VAT1L: variants seen among roughly 807,000 people sequenced by gnomAD.
The protein encoded by VAT1L is putative NADPH-dependent quinone oxidoreductase VAT1L.
A neutral mutation model predicts 44.1 loss-of-function variants in VAT1L; 34 were observed. The ratio of observed to expected loss-of-function variants is 0.77; its 90% CI spans 0.59 to 1.03. The LOEUF is 1.03. VAT1L is among the 50% of genes least tolerant of loss of function. The pLI is 0.00. For synonymous variants in VAT1L, 253 were observed against 202.2 expected, an observed-to-expected ratio of 1.25 and a Z score of -2.13; for missense variants, 615 against 538.8, an observed-to-expected ratio of 1.14 and a Z score of -1.40.
intron 7 of VAT1L, among the ~76,000 whole-genome samples, chr16:77,948,552 T>C (rs2017999813): frequency 1.3e-5 from 2 of 152,070 alleles, no homozygotes; most frequent in South Asian, 4.1e-4. Context: ...TTCAAACATA[T>C]AAAAGCAGCA....
chr16:77,961,290 T>G (rs1387658822), intron 7 of VAT1L, among the ~76,000 whole-genome samples: 1 of 152,102 alleles, frequency 6.6e-6, no homozygotes, highest in African/African-American at 2.4e-5. Flanking sequence ...ATCTAGCTCC[T>G]GCCCACTCCG....
rs538577571 is a variant in VAT1L at position 77,901,153 on chromosome 16, C to CTTTT, written c.1077+16378_1077+16381dup. On this transcript the variant is annotated intron_variant, in intron 7 of 8. Transcript: ENST00000302536. ...GGTAGGTGTGTGACCAGTAGTTTAC[C>CTTTT]TTTTTTTTTTTTTTTTTTTTTTTTT... Among the ~76,000 whole-genome samples, 408 of 90,040 alleles carry CTTTT rather than the reference C, an allele frequency of 4.5e-3. 34 individuals carry two copies. The highest frequency in any genetic ancestry group is 0.019 in the African/African-American group (392 of 20,808). 59.1% of individuals were successfully genotyped at this position (90,040 alleles called of 152,430 possible). A position where few individuals can be genotyped will look rare whatever the true frequency, so the allele number is the denominator to read the frequency against.
intron 3 of VAT1L, among the ~76,000 whole-genome samples, chr16:77,825,682 C>T (rs2016511637): frequency 6.6e-6 from 1 of 151,946 alleles, no homozygotes; most frequent in East Asian, 1.9e-4. Context: ...ACCAAAATGG[C>T]CTGTGAGGAC....
intron 5 of VAT1L, among the ~76,000 whole-genome samples, chr16:77,876,937 A>T (rs12924217): frequency 0.044 from 6,686 of 152,282 alleles, 184 homozygotes; most frequent in Middle Eastern, 0.11. Flanking sequence ...ACTCCTGAGC[A>T]TCCCACGCAA....
At chr16:77,868,001 C>T (rs934568750) in intron 4 of VAT1L, among the ~76,000 whole-genome samples, 1 of 152,128 alleles carries the variant, frequency 6.6e-6, no homozygotes, top group Non-Finnish European at 1.5e-5. Context: ...AGTGGAGTTA[C>T]ATCCTTGTAA....
intron 7 of VAT1L, among the ~76,000 whole-genome samples, chr16:77,926,568 G>C (rs1567510542): frequency 6.6e-6 from 1 of 152,174 alleles, no homozygotes; most frequent in Non-Finnish European, 1.5e-5. Context: ...GGGTGACAGA[G>C]CAAGACTCCA....
At chr16:77,877,409 C>T (rs1482126245) in intron 5 of VAT1L, among the ~76,000 whole-genome samples, 7 of 148,670 alleles carry the variant, frequency 4.7e-5, no homozygotes, top group Non-Finnish European at 7.4e-5. Context: ...ACTCGGGAGG[C>T]TGAGGCAGCA....
chr16:77,952,714 C>G (rs2018057828), intron 7 of VAT1L, among the ~76,000 whole-genome samples: 2 of 151,998 alleles, frequency 1.3e-5, no homozygotes, highest in African/African-American at 4.8e-5. Context: ...AAAAATTAGC[C>G]AGGCGTGGTG....
intron 7 of VAT1L, among the ~76,000 whole-genome samples, chr16:77,895,316 C>T (rs1348677793): frequency 1.3e-5 from 2 of 148,436 alleles, no homozygotes; most frequent in Non-Finnish European, 3.0e-5. Flanking sequence ...TGAAGAATGG[C>T]CCCCTAAAGA....
intron 3 of VAT1L, among the ~76,000 whole-genome samples, chr16:77,848,358 C>T (rs1425005962): frequency 6.6e-6 from 1 of 152,134 alleles, no homozygotes; most frequent in Admixed American, 6.5e-5. Context: ...GACTCAAGGA[C>T]ATTTTAGGTC....
At chr16:77,909,410 G>A (rs2017474236) in intron 7 of VAT1L, among the ~76,000 whole-genome samples, 1 of 152,082 alleles carries the variant, frequency 6.6e-6, no homozygotes. Context: ...GCCTAGGCAG[G>A]CAGATACCTT....
At chr16:77,896,272 C>T (rs553385492) in intron 7 of VAT1L, among the ~76,000 whole-genome samples, 3 of 152,298 alleles carry the variant, frequency 2.0e-5, no homozygotes, top group Admixed American at 6.5e-5. Context: ...TTTTAAGACT[C>T]AGCCCTGGTG....
intron 1 of VAT1L, chr16:77,800,571 C>G (rs539110955): frequency 6.6e-6 from 1 of 152,346 alleles, no homozygotes; most frequent in South Asian, 2.1e-4. Context: ...CACAGTTCTC[C>G]TGGTTGCCCA....
intron 1 of VAT1L, among the ~76,000 whole-genome samples, chr16:77,798,322 G>C (rs749359934): frequency 4.6e-5 from 7 of 152,206 alleles, no homozygotes; most frequent in African/African-American, 1.2e-4. Flanking sequence ...GTTAATGTGT[G>C]AACTAAAACA....
At chr16:77,811,166 G>C (rs2016257521) in intron 1 of VAT1L, among the ~76,000 whole-genome samples, 2 of 152,162 alleles carry the variant, frequency 1.3e-5, no homozygotes, top group African/African-American at 4.8e-5. Context: ...ACAACCTGAG[G>C]AAAGAACAGG....
At chr16:77,847,611 G>A (rs2016770183) in intron 3 of VAT1L, among the ~76,000 whole-genome samples, 1 of 152,204 alleles carries the variant, frequency 6.6e-6, no homozygotes, top group Non-Finnish European at 1.5e-5. Context: ...AATTGAGGCT[G>A]TTGCCTGAGG....
In VAT1L at chr16:77,814,954, T is replaced by C. The variant is rs555962337; in HGVS notation, c.234-1967T>C. 4.4e-4 allele frequency among the ~76,000 whole-genome samples: 67 copies of C among 152,314 alleles called. No homozygotes were observed. In the South Asian group the frequency reaches 0.013, roughly 30 times the overall value. On this transcript the variant is annotated intron_variant, in intron 1 of 8. Transcript: ENST00000302536. ...TACTGACTATGTACGTGGCACCACA[T>C]GTCAGTGCTTTATGTGCATTAATTT...
chr16:77,912,098 A>G lies in VAT1L; in HGVS notation c.1077+27296A>G, dbSNP rs1300726170. On this transcript the variant is annotated intron_variant, in intron 7 of 8. Transcript: ENST00000302536. ...TGACATAGTAGAAAGACAAACATTC[A>G]GTACACATTTACAGAATGCCTACAT... Among the ~76,000 whole-genome samples, 6 of 152,172 alleles carry G rather than the reference A, an allele frequency of 3.9e-5. No homozygotes were observed. The East Asian group carries it at 1.2e-3, about 29-fold the overall frequency.
chr16:77,940,807 G>T (rs73568625), intron 7 of VAT1L, among the ~76,000 whole-genome samples: 3,722 of 152,230 alleles, frequency 0.024, 148 homozygotes, highest in African/African-American at 0.085. Context: ...TATGTGAGAT[G>T]ACTTGGTGGG....
Sources: gnomAD v4.1 joint callset for allele counts (sites outside exome capture counted in the v4.1 genomes callset) on GRCh38, gnomAD v4.1.1 for gene constraint, MANE v1.5 for transcripts, NCBI Gene and HGNC (gene_info 2026-07-23, HGNC 2026-07-21) for gene names.